Variants in ADGRA1 observed in about 807,000 individuals in gnomAD.
The protein encoded by ADGRA1 is adhesion G protein-coupled receptor A1, also known as G-protein coupled receptor 123.
A neutral mutation model predicts 21.3 loss-of-function variants in ADGRA1; 12 were observed. The observed-to-expected ratio is 0.56, with a 90% CI of 0.36 to 0.91. ADGRA1 has a LOEUF of 0.91. Ranked by LOEUF, ADGRA1 falls within the 40% of genes least tolerant of loss-of-function variation. The probability of loss-of-function intolerance (pLI) is 0.01; values close to 1 mark genes in which losing one functional copy is unlikely to be tolerated. For synonymous variants in ADGRA1, 385 were observed against 368.8 expected (o/e 1.04, Z -0.50); for missense variants, 790 against 805.6 (o/e 0.98, Z 0.23).
chr10:133,091,728 C>A (rs1181909070), intron 2 of ADGRA1, among the ~76,000 whole-genome samples: 2 of 152,214 alleles, frequency 1.3e-5, no homozygotes, highest in African/African-American at 4.8e-5. Flanking sequence ...GCTGGGGGAC[C>A]CCAGAGACCT....
At chr10:133,102,963 G>C (rs1591172912) in intron 5 of ADGRA1, 121 bp downstream of exon 5, 1 of 1,101,468 alleles carries the variant, frequency 9.1e-7, no homozygotes, top group Non-Finnish European at 1.3e-6. Flanking sequence ...TCCGGTCCAT[G>C]GGGGAGGGTC....
rs778819006 is a variant in ADGRA1, at chr10:133,097,132, G to T, written c.131+31G>T. ...CCTGGCATGGGCAAGGGCGCCCCCT[G>T]TGCCCAAGAAACCTGCTTTTACCTT... On this transcript the variant is annotated intron_variant, in intron 3 of 6. Coordinates refer to ENST00000392607, the MANE Select transcript of ADGRA1 (RefSeq NM_001083909.3). 6 of 1,599,770 alleles carry T rather than the reference G, an allele frequency of 3.8e-6. No homozygotes were observed. The South Asian group carries it at 6.6e-5, about 18-fold the overall frequency.
chr10:133,096,404 G>A (rs141701784), intron 2 of ADGRA1, among the ~76,000 whole-genome samples: 1 of 152,272 alleles, frequency 6.6e-6, no homozygotes, highest in African/African-American at 2.4e-5. Flanking sequence ...CCTTTTCTTG[G>A]GCCGAGAAGC....
chr10:133,093,077 C>T lies in ADGRA1; in HGVS notation c.4-3897C>T, dbSNP rs371329462. ...CTGTGTAGGAAAGAAGGTTCCTCAG[C>T]CAGTTGGAGCTGCAGACCTAGCCCC... On this transcript the variant is annotated intron_variant, in intron 2 of 6. Coordinates refer to ENST00000392607, the MANE Select transcript of ADGRA1 (RefSeq NM_001083909.3). 6.3e-6 allele frequency: 10 copies of T among 1,596,572 alleles called. No homozygotes were observed. The East Asian group carries it at 6.7e-5, about 11-fold the overall frequency.
rs1024420660 is a variant in ADGRA1 at position 133,088,723 on chromosome 10, G to A, written c.-187G>A. 43 of 1,228,918 alleles carry A rather than the reference G, an allele frequency of 3.5e-5. No individual in the cohort carries two copies. The highest frequency in any genetic ancestry group is 4.3e-5 in the Non-Finnish European group (42 of 986,844). 76.1% of individuals were successfully genotyped at this position (1,228,918 alleles called of 1,614,324 possible). A position where few individuals can be genotyped will look rare whatever the true frequency, so the allele number is the denominator to read the frequency against. ...GTCTTCACAGATGGGAGCAGCTCCC[G>A]GACTGCGCCCGCCCCGCCGCGGTCA... On this transcript the variant is annotated 5_prime_UTR_variant, in exon 2 of 7. Transcript: ENST00000392607.
chr10:133,116,191 G>A (rs1349849257), intron 5 of ADGRA1, among the ~76,000 whole-genome samples: 4 of 152,168 alleles, frequency 2.6e-5, no homozygotes, highest in South Asian at 4.1e-4. Context: ...CATACGGGGC[G>A]AGTGTGGATT....
Position 133,095,867 on chromosome 10 carries a change from C to A in ADGRA1, c.4-1107C>A, listed in dbSNP as rs1045184598. The A allele has an allele frequency of 6.8e-5, 101 of 1,485,132 alleles. 1 individual carries two copies. The highest frequency in any genetic ancestry group is 3.8e-4 in the South Asian group (29 of 77,128). The allele number at this position is 1,485,132 out of a possible 1,614,324, so 92.0% of individuals were successfully genotyped here. On this transcript the variant is annotated intron_variant, in intron 2 of 6. Coordinates refer to ENST00000392607, the MANE Select transcript of ADGRA1 (RefSeq NM_001083909.3). ...CACTCAGCCGGAGCCATCCCAGAGG[C>A]CCGGCCGGCTGCCTCCTCCTGCCCC...
intron 2 of ADGRA1, among the ~76,000 whole-genome samples, chr10:133,092,130 T>C (rs1591164828): frequency 6.6e-6 from 1 of 152,230 alleles, no homozygotes; most frequent in East Asian, 1.9e-4. Flanking sequence ...GGAATGGGCA[T>C]TCAGGAGGTG....
intron 5 of ADGRA1, among the ~76,000 whole-genome samples, chr10:133,115,413 C>T (rs1016483517): frequency 6.6e-6 from 1 of 152,220 alleles, no homozygotes; most frequent in African/African-American, 2.4e-5. Context: ...CCTGTGAAAG[C>T]CGGGCCCTGG....
intron 5 of ADGRA1, among the ~76,000 whole-genome samples, chr10:133,105,264 C>T (rs1490886163): frequency 4.6e-5 from 7 of 152,220 alleles, no homozygotes; most frequent in African/African-American, 7.2e-5. Context: ...GACCCTCCGC[C>T]GGGACAGGGC....
At chr10:133,090,342 C>T (rs1280491744) in intron 2 of ADGRA1, among the ~76,000 whole-genome samples, 1 of 152,248 alleles carries the variant, frequency 6.6e-6, no homozygotes, top group East Asian at 1.9e-4. Context: ...CCGGTCCCAG[C>T]CGGCCTGGCA....
rs28506134 is a variant in ADGRA1 at position 133,111,835 on chromosome 10, C to A, written c.401+8993C>A. On this transcript the variant is annotated intron_variant, in intron 5 of 6. Transcript: ENST00000392607. ...CACCTCCCTCCTAATCCCACCAGAC[C>A]ACCTGCCCACCACGGGCACCTCCCT... Among the ~76,000 whole-genome samples, 845 of 88,112 alleles carry A rather than the reference C, an allele frequency of 9.6e-3. 1 individual carries two copies. The highest frequency in any genetic ancestry group is 0.025 in the Middle Eastern group (3 of 122). 57.8% of individuals were successfully genotyped at this position (88,112 alleles called of 152,430 possible).
At chr10:133,118,938 A>G (rs1297998298) in intron 5 of ADGRA1, among the ~76,000 whole-genome samples, 2 of 151,898 alleles carry the variant, frequency 1.3e-5, no homozygotes, top group Non-Finnish European at 2.9e-5. Context: ...TGCATTGCAC[A>G]CATGTGCACA....
At chr10:133,127,171 G>C (rs958026124) in intron 5 of ADGRA1, 62 bp from the exon 6 acceptor site, 1 of 1,118,144 alleles carries the variant, frequency 8.9e-7, no homozygotes, top group Non-Finnish European at 1.2e-6. Context: ...GGGAGGGACA[G>C]CGCTGACCCC....
At chr10:133,113,399 G>A (rs1049559051) in intron 5 of ADGRA1, among the ~76,000 whole-genome samples, 13 of 152,212 alleles carry the variant, frequency 8.5e-5, no homozygotes, top group East Asian at 1.9e-4. Context: ...CTGGCCAGGC[G>A]CTGAGGGATG....
intron 2 of ADGRA1, among the ~76,000 whole-genome samples, chr10:133,091,843 T>TCTC (rs1369097989): frequency 6.6e-6 from 1 of 151,622 alleles, no homozygotes; most frequent in Non-Finnish European, 1.5e-5. Flanking sequence ...AGCCAAAGGG[T>TCTC]GAAGACCTCC....
intron 5 of ADGRA1, among the ~76,000 whole-genome samples, chr10:133,111,893 A>G (rs71484056): frequency 0.26 from 4,187 of 15,954 alleles, 356 homozygotes; most frequent in East Asian, 0.39. Context: ...CCCACCACAG[A>G]CACCTCCCTC....
At chr10:133,106,014 GC>G (rs760311612) in intron 5 of ADGRA1, among the ~76,000 whole-genome samples, 1 of 152,204 alleles carries the variant, frequency 6.6e-6, no homozygotes, top group African/African-American at 2.4e-5. Flanking sequence ...CCCAGCATGA[GC>G]CCCCCATGCA....
At chr10:133,121,957 G>C (rs1302794983) in intron 5 of ADGRA1, among the ~76,000 whole-genome samples, 1 of 146,474 alleles carries the variant, frequency 6.8e-6, no homozygotes, top group Non-Finnish European at 1.5e-5. Flanking sequence ...GTGCTTGTGT[G>C]AGTGTGCATG....
Sources: allele counts gnomAD v4.1 joint callset (sites outside exome capture counted in the v4.1 genomes callset), GRCh38; gene constraint gnomAD v4.1.1; transcripts MANE v1.5; gene names NCBI Gene and HGNC (gene_info 2026-07-23, HGNC 2026-07-21).